Variants in PDE1C observed in about 807,000 individuals in gnomAD.
PDE1C encodes the protein dual specificity calcium/calmodulin-dependent 3',5'-cyclic nucleotide phosphodiesterase 1C.
In PDE1C, 62 loss-of-function variants were observed where a neutral mutation model predicts 93.1. That is an observed-to-expected ratio of 0.67 (90% CI 0.54 to 0.82). The LOEUF (loss-of-function observed/expected upper bound fraction) is 0.82, where lower values mean the gene tolerates loss of function less well. PDE1C is among the 40% of genes least tolerant of loss of function. PDE1C has a pLI of 0.00. For synonymous variants in PDE1C, 325 were observed against 310.1 expected (o/e 1.05, Z -0.50); for missense variants, 742 against 884.6 (o/e 0.84, Z 2.04).
chr7:31,681,371 GGATGGATGGATGGATGGATGGAT>G, the PDE1C span, among the ~76,000 whole-genome samples: 8 of 1,818 alleles, frequency 4.4e-3, no homozygotes, highest in Admixed American at 7.4e-3. Flanking sequence ...ATGGATGGAC[GGATGGATGGATGGATGGATGGAT>G]GGATGGATGG....
At chr7:31,754,053 A>G (rs1049088303) in intron 17 of PDE1C, among the ~76,000 whole-genome samples, 1 of 139,624 alleles carries the variant, frequency 7.2e-6, no homozygotes, top group African/African-American at 3.4e-5. Flanking sequence ...CTTAAAGCTC[A>G]AGAAAAAGAA....
At chr7:31,781,778 T>C (rs1315134095) in intron 16 of PDE1C, among the ~76,000 whole-genome samples, 1 of 150,378 alleles carries the variant, frequency 6.6e-6, no homozygotes, top group Non-Finnish European at 1.5e-5. Context: ...TAATGCTTTT[T>C]TCCTGCACAA....
intron 16 of PDE1C, among the ~76,000 whole-genome samples, chr7:31,806,286 T>A (rs1174410876): frequency 6.6e-6 from 1 of 151,974 alleles, no homozygotes; most frequent in Non-Finnish European, 1.5e-5. Flanking sequence ...TATTTCTGGA[T>A]AGCTATAATA....
intron 1 of PDE1C, among the ~76,000 whole-genome samples, chr7:32,373,080 AC>A (rs761077372): frequency 2.7e-4 from 41 of 152,254 alleles, no homozygotes; most frequent in Non-Finnish European, 4.7e-4. Context: ...TCATGAAATT[AC>A]CATGTGACCC....
At chr7:32,166,350 A>G (rs1456784410) in intron 3 of PDE1C, among the ~76,000 whole-genome samples, 1 of 152,170 alleles carries the variant, frequency 6.6e-6, no homozygotes, top group Non-Finnish European at 1.5e-5. Context: ...TGGAGAGTAA[A>G]GACTAAAGCC....
At chr7:32,257,936 A>G (rs1809922045) in intron 1 of PDE1C, among the ~76,000 whole-genome samples, 1 of 152,246 alleles carries the variant, frequency 6.6e-6, no homozygotes, top group African/African-American at 2.4e-5. Context: ...GCAGCCAAGG[A>G]AATGGGCATA....
At chr7:32,338,380 CA>C (rs1418580065) in intron 1 of PDE1C, among the ~76,000 whole-genome samples, 2 of 152,094 alleles carry the variant, frequency 1.3e-5, no homozygotes, top group East Asian at 1.9e-4. Flanking sequence ...AAGATACTAA[CA>C]CAAATCATTA....
chr7:32,137,243 T>C (rs1029092879), intron 3 of PDE1C, among the ~76,000 whole-genome samples: 19 of 152,302 alleles, frequency 1.2e-4, no homozygotes, highest in Non-Finnish European at 1.9e-4. Flanking sequence ...TAGCAATCAA[T>C]CACAGCAATC....
intron 2 of PDE1C, among the ~76,000 whole-genome samples, chr7:31,965,987 C>T (rs1413234305): frequency 1.3e-5 from 2 of 152,172 alleles, no homozygotes; most frequent in Non-Finnish European, 2.9e-5. Context: ...ACGACCAGTA[C>T]CAGCCACTGC....
intron 16 of PDE1C, among the ~76,000 whole-genome samples, chr7:31,806,462 T>C (rs1786838295): frequency 1.3e-5 from 2 of 151,974 alleles, no homozygotes; most frequent in African/African-American, 4.8e-5. Context: ...TCAATACATT[T>C]CTCCCTAGGG....
chr7:31,796,107 A>T (rs1248342765), intron 16 of PDE1C, among the ~76,000 whole-genome samples: 1 of 150,570 alleles, frequency 6.6e-6, no homozygotes, highest in East Asian at 2.0e-4. Flanking sequence ...CTATATACAC[A>T]CACATATATA....
downstream of PDE1C, among the ~76,000 whole-genome samples, chr7:31,748,696 G>A (rs186723174): frequency 6.6e-6 from 1 of 152,088 alleles, no homozygotes; most frequent in Admixed American, 6.5e-5. Context: ...TATGATGCAG[G>A]GCCTTCTCTT....
the PDE1C span, among the ~76,000 whole-genome samples, chr7:31,718,169 C>CA: frequency 6.6e-6 from 1 of 152,112 alleles, no homozygotes; most frequent in Admixed American, 6.5e-5. Context: ...CGGTCATGGG[C>CA]ATGGTGGGAC....
the PDE1C span, among the ~76,000 whole-genome samples, chr7:31,641,832 A>T: frequency 1.3e-5 from 2 of 152,216 alleles, no homozygotes. Context: ...TCATTATTTT[A>T]TTAGTGTGGC....
chr7:31,814,654 C>T (rs1321304562), intron 15 of PDE1C, among the ~76,000 whole-genome samples: 1 of 149,784 alleles, frequency 6.7e-6, no homozygotes, highest in Non-Finnish European at 1.5e-5. Context: ...CCTGGTCGCA[C>T]CAGGCAGGCA....
intron 3 of PDE1C, among the ~76,000 whole-genome samples, chr7:32,081,124 G>C (rs928795709): frequency 2.0e-5 from 3 of 152,318 alleles, no homozygotes; most frequent in Non-Finnish European, 2.9e-5. Context: ...CTCACACGTA[G>C]AGCTATGTGG....
At chr7:32,383,145 C>A (rs1223396131) in intron 1 of PDE1C, among the ~76,000 whole-genome samples, 1 of 152,186 alleles carries the variant, frequency 6.6e-6, no homozygotes, top group Admixed American at 6.5e-5. Flanking sequence ...GATAATCACG[C>A]TCAAAACATG....
At chr7:32,212,488 A>G (rs556703910) in intron 1 of PDE1C, among the ~76,000 whole-genome samples, 8 of 152,296 alleles carry the variant, frequency 5.3e-5, no homozygotes, top group African/African-American at 1.9e-4. Flanking sequence ...CTCCACTACT[A>G]GAGGGTCTCC....
intron 2 of PDE1C, among the ~76,000 whole-genome samples, chr7:31,937,407 G>GCT (rs1563065609): frequency 1.3e-5 from 2 of 152,182 alleles, no homozygotes; most frequent in African/African-American, 4.8e-5. Flanking sequence ...CAAAAAGTCT[G>GCT]TTTTGTCAGT....
Sources: allele counts gnomAD v4.1 joint callset (sites outside exome capture counted in the v4.1 genomes callset), GRCh38; gene constraint gnomAD v4.1.1; transcripts MANE v1.5; gene names NCBI Gene and HGNC (gene_info 2026-07-23, HGNC 2026-07-21).